Variants in CPXM2 observed in about 807,000 individuals in gnomAD.
The protein encoded by CPXM2 is inactive carboxypeptidase-like protein X2.
In CPXM2, 66 loss-of-function variants were observed where a neutral mutation model predicts 86.1. The observed-to-expected ratio is 0.77, with a 90% CI of 0.63 to 0.94. CPXM2 has a LOEUF of 0.94. CPXM2 is among the 40% of genes least tolerant of loss of function. CPXM2 has a pLI of 0.00. For synonymous variants in CPXM2, 388 were observed against 400.2 expected (o/e 0.97, Z 0.36); for missense variants, 948 against 1,026.3 (o/e 0.92, Z 1.04).
rs988223374 is a variant in CPXM2, at chr10:123,833,914, C to T, written c.653+8435G>A. On this transcript the variant is annotated intron_variant, in intron 4 of 13. Transcript: ENST00000241305. ...TAAGGAAACAGCAGCAACAGCAGAC[C>T]CCTTACAGGGCACTTGCTACATGCC... Among the ~76,000 whole-genome samples, 8 of 143,432 alleles carry T rather than the reference C, an allele frequency of 5.6e-5. No individual in the cohort carries two copies. The East Asian group carries it at 1.8e-3, about 33-fold the overall frequency. 94.1% of individuals were successfully genotyped at this position (143,432 alleles called of 152,430 possible). A position where few individuals can be genotyped will look rare whatever the true frequency, so the allele number is the denominator to read the frequency against.
chr10:123,850,246 C>T (rs1041042274), intron 3 of CPXM2, among the ~76,000 whole-genome samples: 5 of 152,130 alleles, frequency 3.3e-5, no homozygotes, highest in African/African-American at 1.2e-4. Flanking sequence ...TTCTTGTGCA[C>T]ATGTGAGCAC....
Position 123,751,890 on chromosome 10 carries a change from T to C in CPXM2, c.2017+2773A>G, listed in dbSNP as rs1484887939. 3.0e-6 allele frequency: 3 copies of C among 985,296 alleles called. No individual in the cohort carries two copies. The East Asian group carries it at 3.4e-4, about 112-fold the overall frequency. The allele number at this position is 985,296 out of a possible 1,614,324, so 61.0% of individuals were successfully genotyped here. A position where few individuals can be genotyped will look rare whatever the true frequency, so the allele number is the denominator to read the frequency against. ...GGGAAAATCAAGGGAGGGAGATGCA[T>C]TTCCCATTAGCTCATCAAAACTGTC... On this transcript the variant is annotated intron_variant, in intron 13 of 13. Transcript: ENST00000241305.
In CPXM2 at chr10:123,809,994, A is replaced by G. The variant is rs182692730; in HGVS notation, c.654-10795T>C. Among the ~76,000 whole-genome samples, 350 of 152,208 alleles carry G rather than the reference A, an allele frequency of 2.3e-3. 1 individual carries two copies. Among genetic ancestry groups the G allele is most frequent in the Non-Finnish European group, 2.0e-3 (134 of 67,940 alleles). On this transcript the variant is annotated intron_variant, in intron 4 of 13. Transcript: ENST00000241305. ...CATTAAGTTGGATTAAAAATTACAA[A>G]TATACTGTTCATAGGAAACAGACCC...
At chr10:123,876,843 A>G (rs1944997005) in intron 2 of CPXM2, among the ~76,000 whole-genome samples, 1 of 152,236 alleles carries the variant, frequency 6.6e-6, no homozygotes, top group South Asian at 2.1e-4. Context: ...ACATTATTTA[A>G]TCTTCACAAT....
chr10:123,842,615 A>T (rs1173604786), intron 3 of CPXM2, 127 bp from the exon 4 acceptor site: 1 of 912,104 alleles, frequency 1.1e-6, no homozygotes, highest in Non-Finnish European at 1.6e-6. Context: ...GTGTTAAAGA[A>T]AAAAATAATT....
upstream of CPXM2, among the ~76,000 whole-genome samples, chr10:123,942,398 C>T (rs1284441053): frequency 2.0e-5 from 3 of 152,176 alleles, no homozygotes; most frequent in Middle Eastern, 3.4e-3. Context: ...ACAAAGACCC[C>T]GCTAATGAAA....
intron 4 of CPXM2, among the ~76,000 whole-genome samples, chr10:123,836,003 C>T (rs547342667): frequency 9.2e-5 from 14 of 152,200 alleles, no homozygotes; most frequent in Non-Finnish European, 1.3e-4. Context: ...GGTCCTCCAG[C>T]TGCTTCTGTA....
At chr10:123,773,248 G>A (rs1196290701) in intron 7 of CPXM2, among the ~76,000 whole-genome samples, 1 of 132,682 alleles carries the variant, frequency 7.5e-6, no homozygotes, top group Non-Finnish European at 1.7e-5. Flanking sequence ...CCTGGTTGTG[G>A]TTATCACCTC....
chr10:123,755,132 T>C (rs73362692), intron 12 of CPXM2, among the ~76,000 whole-genome samples: 5 of 152,140 alleles, frequency 3.3e-5, no homozygotes, highest in Admixed American at 6.5e-5. Flanking sequence ...ATCTACCAGA[T>C]AGTTGAGCTG....
chr10:123,833,268 C>T (rs1183364164), intron 4 of CPXM2, among the ~76,000 whole-genome samples: 2 of 152,306 alleles, frequency 1.3e-5, no homozygotes, highest in East Asian at 3.9e-4. Flanking sequence ...GTAACACAGG[C>T]AAAGTGCCCA....
intron 4 of CPXM2, among the ~76,000 whole-genome samples, chr10:123,815,421 G>GGAAAAGAAT (rs1847793349): frequency 6.6e-6 from 1 of 152,186 alleles, no homozygotes; most frequent in East Asian, 1.9e-4. Flanking sequence ...GGCATTCATT[G>GGAAAAGAAT]GAAAAGAATG....
intron 1 of CPXM2, among the ~76,000 whole-genome samples, chr10:123,884,068 G>A (rs1050196694): frequency 2.0e-5 from 3 of 151,926 alleles, no homozygotes; most frequent in Non-Finnish European, 4.4e-5. Context: ...CTATACAAAG[G>A]GCTTACAGTA....
intron 2 of CPXM2, among the ~76,000 whole-genome samples, chr10:123,876,588 T>C (rs1944991379): frequency 6.6e-6 from 1 of 152,214 alleles, no homozygotes; most frequent in Non-Finnish European, 1.5e-5. Flanking sequence ...TTTTGTATGA[T>C]CTGTAAAATA....
At chr10:123,806,746 CAGAG>C (rs1175287700) in intron 4 of CPXM2, among the ~76,000 whole-genome samples, 1 of 151,994 alleles carries the variant, frequency 6.6e-6, no homozygotes, top group African/African-American at 2.4e-5. Context: ...CGGCAGGAGA[CAGAG>C]AGAGAGTACA....
intron 2 of CPXM2, among the ~76,000 whole-genome samples, chr10:123,925,335 G>T (rs1243240476): frequency 6.6e-6 from 1 of 152,002 alleles, no homozygotes; most frequent in African/African-American, 2.4e-5. Flanking sequence ...TCATTAAGTA[G>T]TGGAGATTAT....
chr10:123,861,806 G>A (rs892650785), intron 3 of CPXM2, among the ~76,000 whole-genome samples: 3 of 152,210 alleles, frequency 2.0e-5, no homozygotes, highest in Admixed American at 6.5e-5. Flanking sequence ...CCAAGGAGAC[G>A]TCTGTCCTCC....
intron 2 of CPXM2, among the ~76,000 whole-genome samples, chr10:123,915,512 C>T (rs939433313): frequency 6.6e-6 from 1 of 152,020 alleles, no homozygotes; most frequent in African/African-American, 2.4e-5. Flanking sequence ...GAGTGGAGGT[C>T]GGGCCACTGC....
chr10:123,830,866 C>CTGTG (rs1240205303), intron 4 of CPXM2, among the ~76,000 whole-genome samples: 14 of 97,922 alleles, frequency 1.4e-4, no homozygotes, highest in African/African-American at 4.3e-4. Context: ...CTCTCTCTCT[C>CTGTG]TCTCTCTGTG....
Position 123,803,118 on chromosome 10 carries a change from C to CTTTTTTTTTTTTTT in CPXM2, c.654-3933_654-3920dup, listed in dbSNP as rs532954173. Among the ~76,000 whole-genome samples, 40 of 63,642 alleles carry CTTTTTTTTTTTTTT rather than the reference C, an allele frequency of 6.3e-4. 7 individuals are homozygous for CTTTTTTTTTTTTTT. The highest frequency in any genetic ancestry group is 9.5e-4 in the Non-Finnish European group (31 of 32,524). 41.8% of individuals were successfully genotyped at this position (63,642 alleles called of 152,430 possible). A position where few individuals can be genotyped will look rare whatever the true frequency, so the allele number is the denominator to read the frequency against. Reference sequence around the variant, plus strand: ...TCCTTTTCATCCTCTTTGTAGTACCCTTTTTTTTTTTTTTTTTTTTTTTTT... The same window carrying CTTTTTTTTTTTTTT: ...TCCTTTTCATCCTCTTTGTAGTACCCTTTTTTTTTTTTTTTTTTTTTTTTTTTTTTTTTTTTTTT... On this transcript the variant is annotated intron_variant, in intron 4 of 13. Transcript: ENST00000241305.
Sources: gnomAD v4.1 joint callset for allele counts (sites outside exome capture counted in the v4.1 genomes callset) on GRCh38, gnomAD v4.1.1 for gene constraint, MANE v1.5 for transcripts, NCBI Gene and HGNC (gene_info 2026-07-23, HGNC 2026-07-21) for gene names.